PAK5: variants seen among roughly 807,000 people sequenced by gnomAD.
PAK5 encodes p21 (RAC1) activated kinase 5.
In PAK5, 16 loss-of-function variants were observed where a neutral mutation model predicts 65.9. That is an observed-to-expected ratio of 0.24 (90% CI 0.16 to 0.37). PAK5 has a LOEUF of 0.37. Among genes scored for constraint, PAK5 ranks in the 10% least tolerant of loss-of-function variants. The pLI, the probability that PAK5 is intolerant of heterozygous loss-of-function variation, is 1.00. For synonymous variants in PAK5, 371 were observed against 354.9 expected, an observed-to-expected ratio of 1.05 and a Z score of -0.51; for missense variants, 785 against 903.9, an observed-to-expected ratio of 0.87 and a Z score of 1.69.
intron 3 of PAK5, among the ~76,000 whole-genome samples, chr20:9,593,489 T>C (rs926411458): frequency 1.3e-5 from 2 of 152,180 alleles, no homozygotes; most frequent in African/African-American, 2.4e-5. Flanking sequence ...CTGGTATACA[T>C]TTGCAGAACG....
At chr20:9,834,973 AT>A (rs1979026719) in intron 1 of PAK5, among the ~76,000 whole-genome samples, 2 of 152,208 alleles carry the variant, frequency 1.3e-5, no homozygotes, top group South Asian at 2.1e-4. Flanking sequence ...TGCCAAAAAA[AT>A]ATTTTGACTC....
intron 2 of PAK5, among the ~76,000 whole-genome samples, chr20:9,671,427 G>A (rs993610206): frequency 1.3e-5 from 2 of 151,964 alleles, no homozygotes; most frequent in African/African-American, 4.8e-5. Context: ...TCTTCCATTT[G>A]TTTGTATCCT....
At chr20:9,799,289 T>G (rs1012896009) in intron 1 of PAK5, among the ~76,000 whole-genome samples, 2 of 152,202 alleles carry the variant, frequency 1.3e-5, no homozygotes, top group African/African-American at 4.8e-5. Flanking sequence ...CTTTTTTCAC[T>G]GCTGTCCACT....
rs2048301910 is a variant in PAK5 at position 9,728,649 on chromosome 20, T to A, written c.-161-17214A>T. On this transcript the variant is annotated intron_variant, in intron 1 of 9. Transcript: ENST00000353224. ...ACTAAATACATTTTGGATCTTGGAC[T>A]GAACAGAGAAAGGATGTTAATGAGA... Among the ~76,000 whole-genome samples, 3 of 152,252 alleles carry A rather than the reference T, an allele frequency of 2.0e-5. No individual in the cohort carries two copies. The South Asian group carries it at 6.2e-4, about 32-fold the overall frequency.
At chr20:9,832,589 T>C (rs1233730005) in intron 1 of PAK5, among the ~76,000 whole-genome samples, 2 of 152,282 alleles carry the variant, frequency 1.3e-5, no homozygotes, top group East Asian at 1.9e-4. Flanking sequence ...TTGATAAGTA[T>C]TTTTAAACTT....
Position 9,539,162 on chromosome 20 carries a change from G to C in PAK5, c.*300C>G, listed in dbSNP as rs1449161649. 1 of 285,428 alleles carries C rather than the reference G, an allele frequency of 3.5e-6. No individual in the cohort carries two copies. The highest frequency in any genetic ancestry group is 2.1e-5 in the African/African-American group (1 of 47,114). The allele number at this position is 285,428 out of a possible 1,614,324, so 17.7% of individuals were successfully genotyped here. On this transcript the variant is annotated 3_prime_UTR_variant, in exon 10 of 10. Coordinates refer to ENST00000353224, the MANE Select transcript of PAK5 (RefSeq NM_177990.4). ...CTACATGTTACCCTGCATGTGGCTA[G>C]GATATATCATAACGGAGTTTGTACT...
At chr20:9,805,871 C>T (rs987229781) in intron 1 of PAK5, among the ~76,000 whole-genome samples, 5 of 152,130 alleles carry the variant, frequency 3.3e-5, no homozygotes, top group African/African-American at 7.2e-5. Context: ...GCAGTTCTCA[C>T]GCAAATCCTT....
At chr20:9,694,190 A>T (rs1470783771) in intron 2 of PAK5, among the ~76,000 whole-genome samples, 1 of 152,112 alleles carries the variant, frequency 6.6e-6, no homozygotes, top group African/African-American at 2.4e-5. Context: ...AAATCTTATT[A>T]TATTAAAACA....
At chr20:9,557,358 T>C (rs1304287494) in intron 7 of PAK5, among the ~76,000 whole-genome samples, 1 of 152,130 alleles carries the variant, frequency 6.6e-6, no homozygotes, top group African/African-American at 2.4e-5. Context: ...GAAATAGCCA[T>C]AGTTTCTATT....
chr20:9,584,544 C>T (rs958189707), intron 3 of PAK5, among the ~76,000 whole-genome samples: 4 of 152,162 alleles, frequency 2.6e-5, no homozygotes, highest in Non-Finnish European at 5.9e-5. Flanking sequence ...AACTCCTGAC[C>T]TCGTGATCCA....
chr20:9,567,526 C>A (rs1335175827), intron 4 of PAK5, among the ~76,000 whole-genome samples: 1 of 152,228 alleles, frequency 6.6e-6, no homozygotes, highest in Non-Finnish European at 1.5e-5. Flanking sequence ...CCACATCACA[C>A]AGTACACATA....
Position 9,743,106 on chromosome 20 carries a change from G to A in PAK5, c.-161-31671C>T, listed in dbSNP as rs565275615. On this transcript the variant is annotated intron_variant, in intron 1 of 9. Transcript: ENST00000353224. ...AAACTGGCCAGGCATGGTGGCTTAT[G>A]CCTGTTATCCCAGCGCCTTGGGAAG... Among the ~76,000 whole-genome samples the A allele has an allele frequency of 9.2e-5, 14 of 152,256 alleles. No individual in the cohort carries two copies. The East Asian group carries it at 2.7e-3, about 29-fold the overall frequency.
intron 1 of PAK5, among the ~76,000 whole-genome samples, chr20:9,836,407 T>G (rs914733038): frequency 2.0e-5 from 3 of 152,158 alleles, no homozygotes; most frequent in African/African-American, 7.2e-5. Context: ...AAAGGGAAAT[T>G]TGGACACAGG....
chr20:9,784,816 A>C (rs1321690163), intron 1 of PAK5, among the ~76,000 whole-genome samples: 3 of 152,044 alleles, frequency 2.0e-5, no homozygotes, highest in South Asian at 2.1e-4. Context: ...AAGAAAAAAA[A>C]AACAACACAT....
rs756755890 is a variant in PAK5, at chr20:9,580,813, G to GAC, written c.321_322insGT (p.Pro108ValfsTer66). 4.9e-5 allele frequency: 79 copies of GAC among 1,613,860 alleles called. No homozygotes were observed. The highest frequency in any genetic ancestry group is 3.8e-5 in the Non-Finnish European group (45 of 1,179,984). On this transcript the variant is annotated frameshift_variant, in exon 4 of 10. Transcript: ENST00000353224. LOFTEE classifies it high-confidence loss of function. The stretch of plus-strand genomic sequence containing the variant: ...CCGTGGCTGGAGGCTCCCTGATCTG[G>GAC]GGTGGGTGGGCTTTCTTTCCTTAGG...
At chr20:9,575,147 AG>A (rs2045864000) in intron 4 of PAK5, among the ~76,000 whole-genome samples, 1 of 152,218 alleles carries the variant, frequency 6.6e-6, no homozygotes, top group Non-Finnish European at 1.5e-5. Context: ...TGTTGACCCC[AG>A]AAGGAAGTGC....
intron 3 of PAK5, among the ~76,000 whole-genome samples, chr20:9,581,242 C>T (rs757652956): frequency 1.3e-5 from 2 of 152,090 alleles, no homozygotes; most frequent in African/African-American, 2.4e-5. Flanking sequence ...AAATCCCTTC[C>T]CCCTACTTCT....
chr20:9,640,785 C>T lies in PAK5; in HGVS notation c.204+3340G>A, dbSNP rs187385407. Among the ~76,000 whole-genome samples the T allele has an allele frequency of 1.2e-4, 18 of 150,996 alleles. No individual in the cohort carries two copies. In the East Asian group the frequency reaches 1.8e-3, roughly 15 times the overall value. The stretch of plus-strand genomic sequence containing the variant: ...GTGAGTGTTACAGCTCTTAAGACAG[C>T]GCGTCTGGAGTTGTTCGTTCCTCCT... On this transcript the variant is annotated intron_variant, in intron 3 of 9. Coordinates refer to ENST00000353224, the MANE Select transcript of PAK5 (RefSeq NM_177990.4).
intron 1 of PAK5, among the ~76,000 whole-genome samples, chr20:9,780,188 A>G (rs148807249): frequency 7.9e-5 from 12 of 152,142 alleles, no homozygotes; most frequent in Middle Eastern, 3.4e-3. Flanking sequence ...AAAAATACAC[A>G]ATAAATAACA....
Sources: gnomAD v4.1 joint callset for allele counts (sites outside exome capture counted in the v4.1 genomes callset) on GRCh38, gnomAD v4.1.1 for gene constraint, MANE v1.5 for transcripts, NCBI Gene and HGNC (gene_info 2026-07-23, HGNC 2026-07-21) for gene names.